Variants in LRRC72 observed in about 807,000 individuals in gnomAD.
The protein encoded by LRRC72 is leucine-rich repeat-containing protein 72.
LRRC72 carries 41 observed loss-of-function variants against 35.8 expected under a neutral mutation model. That is an observed-to-expected ratio of 1.15 (90% confidence interval 0.89 to 1.49). LRRC72 has a LOEUF of 1.49. Ranked by LOEUF, LRRC72 falls within the 40% of genes most tolerant of loss-of-function variation. The pLI is 0.00. For synonymous variants in LRRC72, 118 were observed against 119.2 expected (o/e 0.99, Z 0.07); for missense variants, 389 against 330.7 (o/e 1.18, Z -1.37).
At chr7:16,538,163 T>A (rs1219473916) in intron 3 of LRRC72, among the ~76,000 whole-genome samples, 1 of 152,200 alleles carries the variant, frequency 6.6e-6, no homozygotes, top group Non-Finnish European at 1.5e-5. Flanking sequence ...TATATCCAGC[T>A]ATGGCTGACT....
chr7:16,568,958 A>G (rs1782896208), intron 7 of LRRC72, among the ~76,000 whole-genome samples: 1 of 152,230 alleles, frequency 6.6e-6, no homozygotes, highest in African/African-American at 2.4e-5. Context: ...AAGGAAAAGA[A>G]AAAGAAGAAT....
intron 3 of LRRC72, among the ~76,000 whole-genome samples, chr7:16,538,121 A>G (rs1422563693): frequency 2.0e-5 from 3 of 152,188 alleles, no homozygotes; most frequent in African/African-American, 7.2e-5. Flanking sequence ...CCAACTGTCA[A>G]TCTTCAATCA....
intron 5 of LRRC72, among the ~76,000 whole-genome samples, chr7:16,563,276 G>A (rs940504248): frequency 6.6e-6 from 1 of 151,680 alleles, no homozygotes; most frequent in Non-Finnish European, 1.5e-5. Flanking sequence ...TATTTAGATG[G>A]CTTTTTTTTT....
In LRRC72 at chr7:16,533,846, C is replaced by T. The variant is rs553867520; in HGVS notation, c.164+1278C>T. ...ATTTAAGGTCATGCTTTGAGCCTCT[C>T]GATATAGGTCAGTTAGTTTTAAAAT... On this transcript the variant is annotated intron_variant, in intron 2 of 8. Transcript: ENST00000401542. Among the ~76,000 whole-genome samples the T allele has an allele frequency of 3.6e-4, 54 of 152,080 alleles. 1 individual carries two copies. The highest frequency in any genetic ancestry group is 1.9e-3 in the South Asian group (9 of 4,818).
At chr7:16,551,536 G>A (rs1173230433) in intron 3 of LRRC72, among the ~76,000 whole-genome samples, 1 of 152,122 alleles carries the variant, frequency 6.6e-6, no homozygotes, top group Non-Finnish European at 1.5e-5. Context: ...AGGGGAGAGG[G>A]CCTGAAGGTT....
intron 3 of LRRC72, among the ~76,000 whole-genome samples, chr7:16,548,950 A>G (rs1242075528): frequency 1.3e-5 from 2 of 152,236 alleles, no homozygotes; most frequent in South Asian, 2.1e-4. Context: ...CCCTACTACA[A>G]TAAGAGCAGA....
chr7:16,568,667 T>TAG (rs1192738849), intron 7 of LRRC72, among the ~76,000 whole-genome samples: 1 of 152,166 alleles, frequency 6.6e-6, no homozygotes, highest in Non-Finnish European at 1.5e-5. Flanking sequence ...AAAGAATTCT[T>TAG]AGATGCACCA....
At chr7:16,527,953 C>G (rs1782100652) in intron 1 of LRRC72, among the ~76,000 whole-genome samples, 1 of 152,048 alleles carries the variant, frequency 6.6e-6, no homozygotes, top group Non-Finnish European at 1.5e-5. Context: ...TGCTGTTCTC[C>G]CCATGCTAGA....
intron 3 of LRRC72, among the ~76,000 whole-genome samples, chr7:16,545,047 A>C (rs1246063220): frequency 6.6e-6 from 1 of 152,202 alleles, no homozygotes; most frequent in Non-Finnish European, 1.5e-5. Context: ...CATTAGGACA[A>C]ATACCTAATG....
chr7:16,573,175 A>C (rs1400147537), intron 7 of LRRC72, among the ~76,000 whole-genome samples: 2 of 152,238 alleles, frequency 1.3e-5, no homozygotes, highest in South Asian at 2.1e-4. Flanking sequence ...ATGGAAAAAC[A>C]TTCCATGTTC....
intron 7 of LRRC72, among the ~76,000 whole-genome samples, chr7:16,572,235 G>A (rs1338489154): frequency 2.6e-5 from 4 of 152,120 alleles, no homozygotes; most frequent in African/African-American, 9.7e-5. Context: ...GTACAAAGAG[G>A]AGCTAGTACC....
chr7:16,527,661 C>G (rs531953428), intron 1 of LRRC72, among the ~76,000 whole-genome samples: 1 of 152,214 alleles, frequency 6.6e-6, no homozygotes, highest in African/African-American at 2.4e-5. Context: ...TAAGACCTAG[C>G]AAGGCTTTCT....
chr7:16,536,109 G>T (rs2128334824), intron 2 of LRRC72, among the ~76,000 whole-genome samples: 1 of 152,232 alleles, frequency 6.6e-6, no homozygotes, highest in African/African-American at 2.4e-5. Context: ...CTGACCTTAG[G>T]TGATCCATCC....
chr7:16,551,495 A>T (rs1231684110), intron 3 of LRRC72, among the ~76,000 whole-genome samples: 1 of 152,146 alleles, frequency 6.6e-6, no homozygotes, highest in African/African-American at 2.4e-5. Flanking sequence ...GAAGGTTGGG[A>T]CTTCTGCTTC....
intron 3 of LRRC72, among the ~76,000 whole-genome samples, chr7:16,543,700 T>C (rs1274867876): frequency 6.6e-6 from 1 of 152,150 alleles, no homozygotes; most frequent in Non-Finnish European, 1.5e-5. Context: ...AAGGGCACAT[T>C]TGCTGGGAGG....
intron 6 of LRRC72, 85 bp from the exon 7 acceptor site, chr7:16,567,306 C>A: frequency 4.2e-6 from 4 of 963,194 alleles, no homozygotes; most frequent in Non-Finnish European, 5.8e-6. Context: ...TAGATAAATA[C>A]ATTCTTGAAA....
intron 1 of LRRC72, among the ~76,000 whole-genome samples, chr7:16,531,315 AT>A (rs1304306140): frequency 5.9e-5 from 9 of 152,150 alleles, no homozygotes; most frequent in African/African-American, 1.9e-4. Flanking sequence ...CCTGATGGCA[AT>A]GCCTAAACCT....
At chr7:16,527,103 C>T in intron 1 of LRRC72, 61 bp downstream of exon 1, 1 of 1,371,840 alleles carries the variant, frequency 7.3e-7, no homozygotes, top group Non-Finnish European at 1.0e-6. Context: ...CAGGGCCCCA[C>T]CTCCTGCCTG....
At chr7:16,529,487 C>A (rs116089627) in intron 1 of LRRC72, among the ~76,000 whole-genome samples, 4 of 152,128 alleles carry the variant, frequency 2.6e-5, no homozygotes, top group East Asian at 3.9e-4. Context: ...TAAGGGACCA[C>A]GAACTGTGCC....
Sources: allele counts gnomAD v4.1 joint callset (sites outside exome capture counted in the v4.1 genomes callset), GRCh38; gene constraint gnomAD v4.1.1; transcripts MANE v1.5; gene names NCBI Gene and HGNC (gene_info 2026-07-23, HGNC 2026-07-21).